Variants in KLHL32 observed in about 807,000 individuals in gnomAD.
KLHL32 encodes the protein kelch like family member 32.
In KLHL32, 35 loss-of-function variants were observed where a neutral mutation model predicts 64.8. That is an observed-to-expected ratio of 0.54 (90% CI 0.41 to 0.72). The LOEUF is 0.72. Ranked by LOEUF, KLHL32 falls within the 30% of genes least tolerant of loss-of-function variation. KLHL32 has a pLI of 0.00. For missense variants in KLHL32, 589 were observed against 768.5 expected (o/e 0.77, Z 2.76); for synonymous variants, 259 against 281.0 (o/e 0.92, Z 0.78).
intron 3 of KLHL32, among the ~76,000 whole-genome samples, chr6:96,988,401 G>A (rs1160317594): frequency 1.3e-5 from 2 of 152,100 alleles, no homozygotes; most frequent in Non-Finnish European, 2.9e-5. Flanking sequence ...AAACCACAGT[G>A]AGATACCATC....
At chr6:97,021,061 G>GA (rs1422557830) in intron 3 of KLHL32, among the ~76,000 whole-genome samples, 1 of 150,930 alleles carries the variant, frequency 6.6e-6, no homozygotes, top group African/African-American at 2.5e-5. Context: ...TATATATAGA[G>GA]AAAAAAAGAT....
At chr6:97,123,133 T>G (rs2128217780) in intron 7 of KLHL32, among the ~76,000 whole-genome samples, 1 of 152,278 alleles carries the variant, frequency 6.6e-6, no homozygotes, top group South Asian at 2.1e-4. Context: ...AAAAAAAAAA[T>G]TAGCAGAGCC....
intron 2 of KLHL32, among the ~76,000 whole-genome samples, chr6:96,974,461 T>C (rs953504382): frequency 6.6e-6 from 1 of 152,230 alleles, no homozygotes; most frequent in Non-Finnish European, 1.5e-5. Flanking sequence ...GATTTTAAAG[T>C]CTGCCTATAG....
At chr6:96,917,047 T>C in the KLHL32 span, among the ~76,000 whole-genome samples, 3 of 152,246 alleles carry the variant, frequency 2.0e-5, no homozygotes, top group Admixed American at 6.5e-5. Flanking sequence ...GTATACTTTA[T>C]ATAAGCACTT....
At chr6:97,113,428 T>A (rs527410465) in intron 6 of KLHL32, among the ~76,000 whole-genome samples, 45 of 152,248 alleles carry the variant, frequency 3.0e-4, no homozygotes, top group Non-Finnish European at 3.4e-4. Context: ...TTCCTGGTGG[T>A]GGGGTGTACT....
At chr6:96,997,516 A>G (rs1021313752) in intron 3 of KLHL32, among the ~76,000 whole-genome samples, 4 of 152,050 alleles carry the variant, frequency 2.6e-5, no homozygotes, top group African/African-American at 4.8e-5. Flanking sequence ...GGAAGGCCCA[A>G]TGGGGAGAAT....
chr6:97,106,012 G>T (rs1329613010), intron 6 of KLHL32, among the ~76,000 whole-genome samples: 1 of 152,020 alleles, frequency 6.6e-6, no homozygotes, highest in Non-Finnish European at 1.5e-5. Context: ...CATTGTTTTG[G>T]CATTCCTTTG....
At chr6:96,987,305 G>A (rs1415138094) in intron 3 of KLHL32, among the ~76,000 whole-genome samples, 1 of 152,030 alleles carries the variant, frequency 6.6e-6, no homozygotes, top group Non-Finnish European at 1.5e-5. Flanking sequence ...TGATGTTAGG[G>A]TGTCAATTTT....
upstream of KLHL32, among the ~76,000 whole-genome samples, chr6:96,922,534 C>T (rs1562158308): frequency 1.3e-5 from 2 of 152,080 alleles, no homozygotes; most frequent in Non-Finnish European, 2.9e-5. Context: ...TCAGCTCATC[C>T]CTCATAACAT....
chr6:96,967,114 C>T (rs748972652), intron 2 of KLHL32, 31 bp downstream of exon 2: 18 of 1,606,612 alleles, frequency 1.1e-5, no homozygotes, highest in South Asian at 7.7e-5. Flanking sequence ...CCTCACATGC[C>T]GTAGTGAGCC....
At chr6:97,010,907 A>G (rs1282012427) in intron 3 of KLHL32, among the ~76,000 whole-genome samples, 1 of 152,244 alleles carries the variant, frequency 6.6e-6, no homozygotes, top group Non-Finnish European at 1.5e-5. Flanking sequence ...CAAGTTTACT[A>G]TTCTTTACTG....
chr6:96,955,608 G>C (rs1039280684), intron 1 of KLHL32, among the ~76,000 whole-genome samples: 3 of 152,052 alleles, frequency 2.0e-5, no homozygotes, highest in Admixed American at 1.3e-4. Context: ...TTAACTTTTG[G>C]TAAGTGTATT....
chr6:97,009,605 T>TTTG (rs1780113440), intron 3 of KLHL32, among the ~76,000 whole-genome samples: 1 of 152,208 alleles, frequency 6.6e-6, no homozygotes, highest in Non-Finnish European at 1.5e-5. Context: ...TTGTACATGC[T>TTTG]TTGTTGTTGT....
At chr6:97,024,166 G>A (rs1463158659) in intron 3 of KLHL32, among the ~76,000 whole-genome samples, 2 of 152,120 alleles carry the variant, frequency 1.3e-5, no homozygotes, top group African/African-American at 2.4e-5. Context: ...TATTAATAGC[G>A]GCCTTGACAT....
intron 3 of KLHL32, among the ~76,000 whole-genome samples, chr6:97,011,894 A>C (rs1426858492): frequency 6.6e-6 from 1 of 152,216 alleles, no homozygotes; most frequent in Non-Finnish European, 1.5e-5. Context: ...TTGTTTGCTA[A>C]CCTCAGTCCT....
intron 3 of KLHL32, among the ~76,000 whole-genome samples, chr6:97,011,243 C>G (rs1172526935): frequency 6.6e-6 from 1 of 152,160 alleles, no homozygotes; most frequent in Non-Finnish European, 1.5e-5. Context: ...GAATGGGAGA[C>G]ATGTTCTTCT....
intron 2 of KLHL32, among the ~76,000 whole-genome samples, chr6:96,969,228 A>G (rs1165094141): frequency 1.3e-5 from 2 of 152,102 alleles, no homozygotes; most frequent in Non-Finnish European, 2.9e-5. Context: ...TCATGGCCAC[A>G]CCTCAGACCT....
At chr6:96,946,709 T>C (rs952571079) in intron 1 of KLHL32, among the ~76,000 whole-genome samples, 1 of 152,192 alleles carries the variant, frequency 6.6e-6, no homozygotes, top group Non-Finnish European at 1.5e-5. Flanking sequence ...TTTTGCCATT[T>C]TTGCCAATCC....
chr6:96,966,550 T>C (rs1398244826), intron 1 of KLHL32, among the ~76,000 whole-genome samples: 1 of 152,212 alleles, frequency 6.6e-6, no homozygotes, highest in Non-Finnish European at 1.5e-5. Flanking sequence ...AAATTATATT[T>C]CTGTAGACAC....
Sources: gnomAD v4.1 joint callset for allele counts (sites outside exome capture counted in the v4.1 genomes callset) on GRCh38, gnomAD v4.1.1 for gene constraint, MANE v1.5 for transcripts, NCBI Gene and HGNC (gene_info 2026-07-23, HGNC 2026-07-21) for gene names.